WDPCP: variants seen among roughly 807,000 people sequenced by gnomAD.
WDPCP encodes the protein WD repeat-containing and planar cell polarity effector protein fritz homolog.
WDPCP carries 71 observed loss-of-function variants against 93.1 expected under a neutral mutation model. That is an observed-to-expected ratio of 0.76 (90% CI 0.63 to 0.93). The LOEUF (loss-of-function observed/expected upper bound fraction) is 0.93. WDPCP is among the 40% of genes least tolerant of loss of function. WDPCP has a pLI of 0.00. For synonymous variants in WDPCP, 315 were observed against 315.0 expected (o/e 1.00, Z 0.00); for missense variants, 844 against 887.4 (o/e 0.95, Z 0.62).
intron 10 of WDPCP, among the ~76,000 whole-genome samples, chr2:63,397,736 C>T (rs1209541700): frequency 1.3e-5 from 2 of 152,052 alleles, no homozygotes; most frequent in Non-Finnish European, 2.9e-5. Flanking sequence ...TAGGAAGTGA[C>T]TGGTGACTTT....
intron 12 of WDPCP, among the ~76,000 whole-genome samples, chr2:63,331,549 C>T (rs909503465): frequency 6.6e-6 from 1 of 152,118 alleles, no homozygotes; most frequent in Admixed American, 6.5e-5. Context: ...TAATAAAATT[C>T]ACCACTTTAA....
At chr2:63,726,830 T>C (rs530351723) in intron 2 of WDPCP, among the ~76,000 whole-genome samples, 1 of 152,320 alleles carries the variant, frequency 6.6e-6, no homozygotes, top group South Asian at 2.1e-4. Context: ...GATTGAGTTC[T>C]TGATTTGGCT....
intron 17 of WDPCP, among the ~76,000 whole-genome samples, chr2:63,137,641 C>G (rs1182313098): frequency 1.3e-5 from 2 of 148,658 alleles, no homozygotes; most frequent in East Asian, 3.9e-4. Context: ...TGCCTGTGTC[C>G]TGAATGGTAT....
chr2:63,155,450 G>A (rs1272547796), intron 15 of WDPCP, among the ~76,000 whole-genome samples: 1 of 152,126 alleles, frequency 6.6e-6, no homozygotes, highest in East Asian at 1.9e-4. Context: ...ATATTTATAT[G>A]GGTCTATTTC....
At chr2:63,560,879 G>A (rs1484326785) in intron 1 of WDPCP, among the ~76,000 whole-genome samples, 1 of 152,192 alleles carries the variant, frequency 6.6e-6, no homozygotes, top group African/African-American at 2.4e-5. Flanking sequence ...AATACCTAAT[G>A]TAAATGACCA....
chr2:63,231,820 G>GA lies in WDPCP; in HGVS notation c.1915+27486dup, dbSNP rs1174703993. 2.6e-5 allele frequency among the ~76,000 whole-genome samples: 4 copies of GA among 151,690 alleles called. No homozygotes were observed. The East Asian group carries it at 5.8e-4, about 22-fold the overall frequency. On this transcript the variant is annotated intron_variant, in intron 14 of 17. Coordinates refer to ENST00000272321, the MANE Select transcript of WDPCP (RefSeq NM_015910.7). The stretch of plus-strand genomic sequence containing the variant: ...ACCATTGACTTTCTTCACAGAATTG[G>GA]AAAAAACTACTTTAAAGTTCATATG...
chr2:63,530,962 A>T (rs1417570814), intron 1 of WDPCP, among the ~76,000 whole-genome samples: 1 of 152,242 alleles, frequency 6.6e-6, no homozygotes, highest in Non-Finnish European at 1.5e-5. Context: ...AACAGACAGT[A>T]CATGGGAAAT....
intron 6 of WDPCP, among the ~76,000 whole-genome samples, chr2:63,453,326 A>C (rs1371941974): frequency 6.6e-6 from 1 of 152,238 alleles, no homozygotes; most frequent in Non-Finnish European, 1.5e-5. Context: ...TTATGCAGCC[A>C]ACAGACACAT....
intron 9 of WDPCP, among the ~76,000 whole-genome samples, chr2:63,420,361 TAA>T (rs60889615): frequency 3.3e-5 from 4 of 120,522 alleles, no homozygotes; most frequent in Non-Finnish European, 1.7e-5. Flanking sequence ...CATCTTTACT[TAA>T]AAAAAAAAAA....
intron 2 of WDPCP, among the ~76,000 whole-genome samples, chr2:63,704,309 T>G (rs1392595553): frequency 6.6e-6 from 1 of 152,198 alleles, no homozygotes; most frequent in African/African-American, 2.4e-5. Context: ...CCTGCCTGAT[T>G]GCCCTGGCCA....
intron 3 of WDPCP, chr2:63,643,750 A>T (rs1482259570): frequency 1.1e-5 from 6 of 527,326 alleles, no homozygotes; most frequent in Non-Finnish European, 1.9e-5. Flanking sequence ...GATCAGACGG[A>T]CATTCTCTCC....
In WDPCP at chr2:63,364,843, T is replaced by C. The variant is rs376728360; in HGVS notation, c.1748+13543A>G. ...CTGCATGCTCCAAAAAATTATCTCT[T>C]GCTGTTTAGTTTATAATGAGTTGGC... On this transcript the variant is annotated intron_variant, in intron 12 of 17. Coordinates refer to ENST00000272321, the MANE Select transcript of WDPCP (RefSeq NM_015910.7). Among the ~76,000 whole-genome samples, 3 of 152,326 alleles carry C rather than the reference T, an allele frequency of 2.0e-5. No individual in the cohort carries two copies. The South Asian group carries it at 6.2e-4, about 32-fold the overall frequency.
chr2:63,597,536 G>A (rs779779818), intron 3 of WDPCP: 1 of 1,480,672 alleles, frequency 6.8e-7, no homozygotes. Context: ...CAAATCCCAG[G>A]GTGCAGCCTT....
At chr2:63,710,939 C>A (rs1244008736) in intron 2 of WDPCP, among the ~76,000 whole-genome samples, 1 of 152,104 alleles carries the variant, frequency 6.6e-6, no homozygotes, top group Non-Finnish European at 1.5e-5. Context: ...GTAAGCTGTG[C>A]CCAGGGAAGC....
the WDPCP span, among the ~76,000 whole-genome samples, chr2:63,839,396 A>G: frequency 6.6e-6 from 1 of 152,228 alleles, no homozygotes. Context: ...CGCCTCTACT[A>G]AAAATACAAA....
At chr2:63,659,634 G>A (rs2106634901) in intron 2 of WDPCP, among the ~76,000 whole-genome samples, 1 of 152,286 alleles carries the variant, frequency 6.6e-6, no homozygotes, top group South Asian at 2.1e-4. Flanking sequence ...TTGGGAGGGA[G>A]GACACCTTGA....
intron 3 of WDPCP, among the ~76,000 whole-genome samples, chr2:63,625,388 G>A (rs1439723878): frequency 2.0e-5 from 3 of 152,176 alleles, no homozygotes; most frequent in Non-Finnish European, 4.4e-5. Context: ...AAGTCAAATT[G>A]TCTCTGTTTG....
chr2:63,597,253 C>A (rs1709331594), intron 3 of WDPCP: 2 of 1,228,778 alleles, frequency 1.6e-6, no homozygotes, highest in Non-Finnish European at 2.1e-6. Context: ...AATATATTAT[C>A]TTTCTCAGGC....
intron 2 of WDPCP, among the ~76,000 whole-genome samples, chr2:63,809,350 A>G (rs4471876): frequency 0.88 from 118,437 of 134,564 alleles, 51,698 homozygotes; most frequent in East Asian, 0.94. Flanking sequence ...GCCTCTGCCC[A>G]GCCGCCCCTA....
Sources: allele counts gnomAD v4.1 joint callset (sites outside exome capture counted in the v4.1 genomes callset), GRCh38; gene constraint gnomAD v4.1.1; transcripts MANE v1.5; gene names NCBI Gene and HGNC (gene_info 2026-07-23, HGNC 2026-07-21).